The following CDH2 variants were observed in gnomAD, a reference collection of about 807,000 sequenced individuals.
The protein encoded by CDH2 is cadherin 2.
In CDH2, 17 loss-of-function variants were observed where a neutral mutation model predicts 92.0. The ratio of observed to expected loss-of-function variants is 0.18; its 90% CI spans 0.13 to 0.28. The LOEUF (loss-of-function observed/expected upper bound fraction) is 0.28, where lower values mean the gene tolerates loss of function less well. CDH2 is among the 10% of genes least tolerant of loss of function. The pLI, the probability that CDH2 is intolerant of heterozygous loss-of-function variation, is 1.00. For missense variants in CDH2, 862 were observed against 1,133.1 expected, an observed-to-expected ratio of 0.76 and a Z score of 3.44; for synonymous variants, 419 against 415.9, an observed-to-expected ratio of 1.01 and a Z score of -0.09.
At chr18:28,156,208 T>C (rs1371234970) in intron 1 of CDH2, among the ~76,000 whole-genome samples, 1 of 152,214 alleles carries the variant, frequency 6.6e-6, no homozygotes, top group Admixed American at 6.5e-5. Context: ...TCAGTACTTT[T>C]AGTTTTCTCA....
intron 2 of CDH2, among the ~76,000 whole-genome samples, chr18:28,029,811 C>T (rs1408394889): frequency 6.6e-6 from 1 of 152,046 alleles, no homozygotes; most frequent in Non-Finnish European, 1.5e-5. Context: ...CTCCCAAATG[C>T]TGCTACACAC....
At chr18:28,058,244 A>G (rs1003712761) in intron 2 of CDH2, among the ~76,000 whole-genome samples, 7 of 152,220 alleles carry the variant, frequency 4.6e-5, no homozygotes, top group African/African-American at 1.4e-4. Context: ...TAGCTAAAAC[A>G]AGCCTTTCAT....
intron 1 of CDH2, among the ~76,000 whole-genome samples, chr18:28,149,204 A>G (rs1228827420): frequency 6.6e-6 from 1 of 152,198 alleles, no homozygotes; most frequent in Non-Finnish European, 1.5e-5. Context: ...ATTACGCCAC[A>G]TGAGTGCTCC....
At chr18:27,956,483 A>G (rs2011249470) in intron 15 of CDH2, among the ~76,000 whole-genome samples, 1 of 152,170 alleles carries the variant, frequency 6.6e-6, no homozygotes, top group Non-Finnish European at 1.5e-5. Context: ...GAGGGATGTA[A>G]AAGAAAAGAG....
chr18:28,173,027 G>T (rs960127992), intron 1 of CDH2, among the ~76,000 whole-genome samples: 3 of 152,060 alleles, frequency 2.0e-5, no homozygotes, highest in Non-Finnish European at 4.4e-5. Context: ...TAATGAAAAA[G>T]AAAATTAAGG....
chr18:27,947,264 A>C (rs1047994914), downstream of CDH2, among the ~76,000 whole-genome samples: 2 of 151,840 alleles, frequency 1.3e-5, no homozygotes, highest in South Asian at 4.1e-4. Context: ...CACTAGAAAA[A>C]ATGCTATAAA....
At chr18:27,948,633 A>C (rs561163979), downstream of CDH2, among the ~76,000 whole-genome samples, 1 of 152,100 alleles carries the variant, frequency 6.6e-6, no homozygotes, top group South Asian at 2.1e-4. Context: ...AAAATACGTA[A>C]TTCAAAGAAA....
At chr18:28,124,246 T>G (rs1218432492) in intron 2 of CDH2, among the ~76,000 whole-genome samples, 1 of 152,152 alleles carries the variant, frequency 6.6e-6, no homozygotes, top group Non-Finnish European at 1.5e-5. Context: ...GTACATCTGC[T>G]CATTTTCATT....
intron 2 of CDH2, among the ~76,000 whole-genome samples, chr18:28,102,023 T>C (rs2015234989): frequency 6.6e-6 from 1 of 152,114 alleles, no homozygotes; most frequent in African/African-American, 2.4e-5. Flanking sequence ...AGTTAAAGCA[T>C]GTTCCTATTT....
intron 1 of CDH2, among the ~76,000 whole-genome samples, chr18:28,160,285 T>G (rs920147549): frequency 6.6e-6 from 1 of 152,036 alleles, no homozygotes; most frequent in Non-Finnish European, 1.5e-5. Context: ...TGCCACAATC[T>G]GGGTGAAAGC....
intron 2 of CDH2, among the ~76,000 whole-genome samples, chr18:28,014,522 TG>T (rs1357992340): frequency 2.0e-4 from 31 of 152,176 alleles, no homozygotes; most frequent in Admixed American, 1.8e-3. Context: ...TAAGACCTTA[TG>T]GTAATTAACA....
chr18:28,010,287 AGT>A (rs1465923729), intron 4 of CDH2, among the ~76,000 whole-genome samples: 1 of 152,170 alleles, frequency 6.6e-6, no homozygotes, highest in Non-Finnish European at 1.5e-5. Flanking sequence ...GTCTATCCAT[AGT>A]GTGAAATATA....
chr18:27,955,598 A>G (rs528982608), intron 15 of CDH2, among the ~76,000 whole-genome samples: 2 of 152,004 alleles, frequency 1.3e-5, no homozygotes, highest in African/African-American at 4.8e-5. Context: ...CAAATGACTA[A>G]GCCACCTAAT....
intron 6 of CDH2, among the ~76,000 whole-genome samples, chr18:27,938,661 T>A (rs564132827): frequency 6.6e-6 from 1 of 152,344 alleles, no homozygotes; most frequent in African/African-American, 2.4e-5. Context: ...TAGTAAGTTA[T>A]ACTTGATTAT....
intron 7 of CDH2, among the ~76,000 whole-genome samples, chr18:27,994,698 T>C (rs1273261125): frequency 6.6e-6 from 1 of 152,090 alleles, no homozygotes; most frequent in Non-Finnish European, 1.5e-5. Flanking sequence ...ATAGCTAACA[T>C]TATGAATGGC....
intron 2 of CDH2, among the ~76,000 whole-genome samples, chr18:28,033,911 A>T (rs1298647647): frequency 6.6e-6 from 1 of 152,120 alleles, no homozygotes; most frequent in Admixed American, 6.6e-5. Context: ...CTTGTATTAA[A>T]AAGGCCAATG....
intron 15 of CDH2, among the ~76,000 whole-genome samples, chr18:27,956,502 G>A (rs1457557318): frequency 3.3e-5 from 5 of 152,268 alleles, no homozygotes; most frequent in Middle Eastern, 6.8e-3. Context: ...AGGTCTTACT[G>A]TTTCCTTTAC....
At chr18:27,941,522 G>C (rs973055006) in intron 6 of CDH2, among the ~76,000 whole-genome samples, 2 of 152,156 alleles carry the variant, frequency 1.3e-5, no homozygotes, top group African/African-American at 4.8e-5. Flanking sequence ...TTCTTGTAAA[G>C]AATGTGATTC....
At chr18:28,027,787 T>C (rs981764171) in intron 2 of CDH2, among the ~76,000 whole-genome samples, 6 of 152,004 alleles carry the variant, frequency 3.9e-5, no homozygotes, top group Admixed American at 1.3e-4. Context: ...AAACTCTTTC[T>C]TTTGACAGAA....
Sources: allele counts gnomAD v4.1 joint callset (sites outside exome capture counted in the v4.1 genomes callset), GRCh38; gene constraint gnomAD v4.1.1; transcripts MANE v1.5; gene names NCBI Gene and HGNC (gene_info 2026-07-23, HGNC 2026-07-21).